ENPP2: variants seen among roughly 807,000 people sequenced by gnomAD.
The protein encoded by ENPP2 is ectonucleotide pyrophosphatase/phosphodiesterase 2.
ENPP2 carries 51 observed loss-of-function variants against 120.2 expected under a neutral mutation model. The ratio of observed to expected loss-of-function variants is 0.42; its 90% CI spans 0.34 to 0.54. ENPP2 has a LOEUF of 0.54. Among genes scored for constraint, ENPP2 ranks in the 20% least tolerant of loss-of-function variants. The pLI, the probability that ENPP2 is intolerant of heterozygous loss-of-function variation, is 0.04. For synonymous variants in ENPP2, 365 were observed against 366.4 expected, an observed-to-expected ratio of 1.00 and a Z score of 0.04; for missense variants, 920 against 1,066.5, an observed-to-expected ratio of 0.86 and a Z score of 1.91.
intron 4 of ENPP2, among the ~76,000 whole-genome samples, chr8:119,620,850 T>C (rs1587502581): frequency 1.3e-5 from 2 of 152,336 alleles, no homozygotes; most frequent in East Asian, 3.9e-4. Flanking sequence ...CCCCCATCCC[T>C]GGGCAGTTGC....
At chr8:119,564,627 G>A (rs1326693487) in intron 23 of ENPP2, among the ~76,000 whole-genome samples, 196 bp downstream of exon 23, 5 of 151,796 alleles carry the variant, frequency 3.3e-5, no homozygotes, top group Non-Finnish European at 1.5e-5. Flanking sequence ...GCAGTGAGCC[G>A]AGATCACATC....
chr8:119,620,343 C>A (rs1815798983), intron 4 of ENPP2, among the ~76,000 whole-genome samples: 1 of 152,160 alleles, frequency 6.6e-6, no homozygotes. Context: ...GAAATAAATT[C>A]TCAACCAATT....
chr8:119,587,140 G>A (rs930605), intron 13 of ENPP2, 65 bp from the exon 14 acceptor site: 23,858 of 1,317,524 alleles, frequency 0.018, 291 homozygotes, highest in South Asian at 0.024. Context: ...AATCATTTTT[G>A]CAGCAAGATA....
intron 24 of ENPP2, among the ~76,000 whole-genome samples, chr8:119,562,275 T>C (rs1257908798): frequency 6.6e-6 from 1 of 151,510 alleles, no homozygotes; most frequent in Non-Finnish European, 1.5e-5. Context: ...AAACCCCATC[T>C]CTACTAAAAA....
chr8:119,645,910 T>C (rs1817433260), intron 1 of ENPP2, among the ~76,000 whole-genome samples: 1 of 152,174 alleles, frequency 6.6e-6, no homozygotes, highest in Non-Finnish European at 1.5e-5. Flanking sequence ...CTTTTATAAT[T>C]TATTCCCATT....
rs116196988 is a variant in ENPP2 at position 119,592,177 on chromosome 8, T to G, written c.1082-1547A>C. 3.2e-3 allele frequency among the ~76,000 whole-genome samples: 482 copies of G among 152,258 alleles called. 2 individuals are homozygous for G. The highest frequency in any genetic ancestry group is 0.011 in the African/African-American group (452 of 41,556). On this transcript the variant is annotated intron_variant, in intron 12 of 24. Transcript: ENST00000075322. ...AAATTCATTATGACTCCAAAGACCATGCCCTAAAACACTAAACCATACCAT... is the reference window on the plus strand; with the variant it reads ...AAATTCATTATGACTCCAAAGACCAGGCCCTAAAACACTAAACCATACCAT...
chr8:119,568,458 C>T (rs1204522141), intron 21 of ENPP2, among the ~76,000 whole-genome samples: 1 of 151,894 alleles, frequency 6.6e-6, no homozygotes, highest in Non-Finnish European at 1.5e-5. Context: ...CAATAGCTCT[C>T]TCCCAAGAGC....
At chr8:119,578,569 T>C (rs941167952) in intron 19 of ENPP2, 1 of 152,356 alleles carries the variant, frequency 6.6e-6, no homozygotes. Flanking sequence ...GTAGTATTTA[T>C]CTGCCTTGGC....
intron 1 of ENPP2, among the ~76,000 whole-genome samples, chr8:119,672,496 G>C (rs1268624667): frequency 6.6e-6 from 1 of 152,120 alleles, no homozygotes; most frequent in Non-Finnish European, 1.5e-5. Flanking sequence ...CTGAAGACCG[G>C]CTGTGCCCAC....
intron 1 of ENPP2, among the ~76,000 whole-genome samples, chr8:119,645,397 A>G (rs1362400255): frequency 6.6e-6 from 1 of 152,232 alleles, no homozygotes; most frequent in Non-Finnish European, 1.5e-5. Flanking sequence ...GCCAGACACC[A>G]TATCTACAGA....
intron 11 of ENPP2, chr8:119,595,784 C>T (rs1813842259): frequency 1.3e-6 from 2 of 1,544,406 alleles, no homozygotes; most frequent in Non-Finnish European, 8.9e-7. Context: ...AACCAAGGCA[C>T]TGAAGGCAAC....
At chr8:119,601,755 A>T (rs932565819) in intron 9 of ENPP2, among the ~76,000 whole-genome samples, 1 of 152,044 alleles carries the variant, frequency 6.6e-6, no homozygotes, top group Non-Finnish European at 1.5e-5. Context: ...AGCAGAAAGG[A>T]CCCTGGTTTC....
chr8:119,611,012 G>A (rs1285579676), intron 8 of ENPP2, among the ~76,000 whole-genome samples: 1 of 152,078 alleles, frequency 6.6e-6, no homozygotes, highest in Non-Finnish European at 1.5e-5. Context: ...TTTATCTGGA[G>A]GCCCAGCTTT....
intron 8 of ENPP2, among the ~76,000 whole-genome samples, chr8:119,608,608 T>C (rs1044391304): frequency 5.9e-5 from 9 of 152,218 alleles, no homozygotes; most frequent in Admixed American, 2.0e-4. Flanking sequence ...CCGTGTACTA[T>C]TGGGGAGGCA....
intron 11 of ENPP2, chr8:119,595,935 C>A: frequency 6.2e-7 from 1 of 1,613,940 alleles, no homozygotes; most frequent in East Asian, 2.2e-5. Context: ...TCTTTCCTGT[C>A]TCCTCTTAGG....
chr8:119,586,163 G>C, intron 15 of ENPP2, 23 bp downstream of exon 15: 1 of 1,610,018 alleles, frequency 6.2e-7, no homozygotes, highest in Non-Finnish European at 8.5e-7. Context: ...ATGAGAAACA[G>C]AAATAGCCCA....
At chr8:119,661,979 A>T (rs1320295211) in intron 1 of ENPP2, among the ~76,000 whole-genome samples, 1 of 152,082 alleles carries the variant, frequency 6.6e-6, no homozygotes, top group East Asian at 1.9e-4. Context: ...TCAAACTTAT[A>T]CAAGCAGAGA....
chr8:119,654,572 T>C (rs1483109657), intron 1 of ENPP2, among the ~76,000 whole-genome samples: 3 of 150,944 alleles, frequency 2.0e-5, no homozygotes, highest in Non-Finnish European at 2.9e-5. Context: ...CTACAACTCC[T>C]GGCCTCAAGC....
At chr8:119,663,119 CAAAA>C (rs34922221) in intron 1 of ENPP2, among the ~76,000 whole-genome samples, 4 of 120,430 alleles carry the variant, frequency 3.3e-5, no homozygotes, top group East Asian at 2.3e-4. Context: ...ACTCTTGTCT[CAAAA>C]AAAAAAAAAA....
Sources: allele counts gnomAD v4.1 joint callset (sites outside exome capture counted in the v4.1 genomes callset), GRCh38; gene constraint gnomAD v4.1.1; transcripts MANE v1.5; gene names NCBI Gene and HGNC (gene_info 2026-07-23, HGNC 2026-07-21).